Variants in CYFIP2 observed in about 807,000 individuals in gnomAD.
The protein encoded by CYFIP2 is cytoplasmic FMR1-interacting protein 2.
Under a neutral mutation model 158.7 loss-of-function variants are expected in CYFIP2, and 29 were observed. The observed-to-expected ratio is 0.18, with a 90% confidence interval of 0.14 to 0.25. The LOEUF is 0.25. CYFIP2 is among the 10% of genes least tolerant of loss of function. CYFIP2 has a pLI of 1.00. For synonymous variants in CYFIP2, 585 were observed against 617.6 expected, an observed-to-expected ratio of 0.95 and a Z score of 0.78; for missense variants, 852 against 1,639.5, an observed-to-expected ratio of 0.52 and a Z score of 8.29.
chr5:157,375,024 A>G (rs1765330282), intron 26 of CYFIP2, among the ~76,000 whole-genome samples: 1 of 152,204 alleles, frequency 6.6e-6, no homozygotes, highest in South Asian at 2.1e-4. Context: ...TACTACCCAG[A>G]AGATTCTAAG....
chr5:157,387,181 T>G (rs954325824), intron 28 of CYFIP2, among the ~76,000 whole-genome samples: 2 of 152,338 alleles, frequency 1.3e-5, no homozygotes, highest in Middle Eastern at 6.8e-3. Flanking sequence ...ATCATACATA[T>G]TTTAAGAATG....
At chr5:157,312,903 G>T (rs1429138190) in intron 11 of CYFIP2, among the ~76,000 whole-genome samples, 1 of 151,986 alleles carries the variant, frequency 6.6e-6, no homozygotes, top group African/African-American at 2.4e-5. Context: ...TTTAAAAATA[G>T]ATCTCATTAT....
intron 5 of CYFIP2, among the ~76,000 whole-genome samples, 180 bp from the exon 6 acceptor site, chr5:157,300,533 CAA>C (rs72316432): frequency 0.015 from 1,790 of 121,170 alleles, 41 homozygotes; most frequent in African/African-American, 0.048. Flanking sequence ...GACTCCGTCT[CAA>C]AAAAAAAAAA....
intron 21 of CYFIP2, 55 bp from the exon 22 acceptor site, chr5:157,339,002 A>C (rs572131919): frequency 6.6e-7 from 1 of 1,510,746 alleles, no homozygotes; most frequent in African/African-American, 1.4e-5. Flanking sequence ...TAAAACACAC[A>C]CATGTAATGC....
chr5:157,353,634 C>T (rs544812556), intron 23 of CYFIP2, among the ~76,000 whole-genome samples: 87 of 152,308 alleles, frequency 5.7e-4, no homozygotes, highest in African/African-American at 1.9e-3. Flanking sequence ...TGTGATCTTC[C>T]CGACAAGGAC....
Position 157,287,075 on chromosome 5 carries a change from G to T in CYFIP2, c.174G>T (p.Arg58Ser). 6.2e-7 allele frequency: 1 copy of T among 1,613,470 alleles called. No individual in the cohort carries two copies. Among genetic ancestry groups the T allele is most frequent in the Admixed American group, 1.7e-5 (1 of 60,012 alleles). ...ATGCATTTGTCACGGGCATTGCAAG[G>T]TACATTGAGCAGGCTACAGTCCACT... is the stretch of plus-strand genomic sequence containing the variant. ...DRNAFVTGIARYIEQATVHSS... is the reference protein window; with the variant it reads ...DRNAFVTGIASYIEQATVHSS... Residue 58 changes from arginine to serine, a missense_variant, in exon 3 of 31, where the codon AGG becomes AGT. Physicochemically the swap from Arg to Ser is moderately radical, Grantham distance 110. This residue lies in a region of CYFIP2 where 123 missense variants were observed against 316.7 expected (regional missense o/e 0.39). Coordinates refer to ENST00000620254, the MANE Select transcript of CYFIP2 (RefSeq NM_001037333.3).
At chr5:157,277,294 G>A (rs920305207) in intron 1 of CYFIP2, 21 of 152,476 alleles carry the variant, frequency 1.4e-4, no homozygotes, top group African/African-American at 5.1e-4. Context: ...GCCTCCCAAA[G>A]TGTTGGGGTT....
intron 26 of CYFIP2, chr5:157,376,738 A>G (rs1200592667): frequency 3.0e-6 from 1 of 329,956 alleles, no homozygotes; most frequent in Non-Finnish European, 6.2e-6. Flanking sequence ...CACCCTGAGA[A>G]GCACCCACTT....
At position 157,395,392 on chromosome 5, in the gene CYFIP2, GT is replaced by G; in HGVS notation, c.*2394del. 1 of 354,736 alleles carries G rather than the reference GT, an allele frequency of 2.8e-6. No individual in the cohort carries two copies. The highest frequency in any genetic ancestry group is 5.4e-6 in the Non-Finnish European group (1 of 184,380). The allele number at this position is 354,736 out of a possible 1,614,324, so 22.0% of individuals were successfully genotyped here. Reference sequence around the variant, plus strand: ...CAAATGTACCATATTTGTATTAAGAGTTGTTGGGAATTTTTGTACAATGAAT... The same window carrying G: ...CAAATGTACCATATTTGTATTAAGAGTGTTGGGAATTTTTGTACAATGAAT... On this transcript the variant is annotated 3_prime_UTR_variant, in exon 31 of 31. Coordinates refer to ENST00000620254, the MANE Select transcript of CYFIP2 (RefSeq NM_001037333.3).
chr5:157,291,161 A>C (rs1446446815), intron 3 of CYFIP2, among the ~76,000 whole-genome samples: 1 of 152,238 alleles, frequency 6.6e-6, no homozygotes, highest in African/African-American at 2.4e-5. Flanking sequence ...CCCAGGGATA[A>C]ATATTTAGTT....
intron 26 of CYFIP2, among the ~76,000 whole-genome samples, chr5:157,365,675 T>C (rs1764298043): frequency 6.6e-6 from 1 of 151,720 alleles, no homozygotes; most frequent in Non-Finnish European, 1.5e-5. Flanking sequence ...TCATGCCCTC[T>C]TCAGTGTTCC....
chr5:157,313,229 A>G (rs1259963835), intron 11 of CYFIP2, among the ~76,000 whole-genome samples: 5 of 152,208 alleles, frequency 3.3e-5, no homozygotes, highest in Admixed American at 6.5e-5. Context: ...ATTTTCATCA[A>G]CTGATCCATA....
intron 26 of CYFIP2, 127 bp from the exon 27 acceptor site, chr5:157,382,463 A>C: frequency 1.1e-6 from 1 of 893,968 alleles, no homozygotes. Flanking sequence ...CCAAGGTCAC[A>C]GTGAGTAGAA....
At chr5:157,287,618 C>T (rs1208528863) in intron 3 of CYFIP2, among the ~76,000 whole-genome samples, 2 of 152,186 alleles carry the variant, frequency 1.3e-5, no homozygotes, top group Admixed American at 6.5e-5. Context: ...CTCTGTTGGG[C>T]TTCCATTGAT....
intron 9 of CYFIP2, among the ~76,000 whole-genome samples, chr5:157,308,983 G>A (rs1230398181): frequency 6.6e-6 from 1 of 152,188 alleles, no homozygotes; most frequent in Non-Finnish European, 1.5e-5. Flanking sequence ...TATCGGCTCT[G>A]TAGCGTTCCC....
chr5:157,374,186 C>T (rs1261176339), intron 26 of CYFIP2, among the ~76,000 whole-genome samples: 1 of 152,128 alleles, frequency 6.6e-6, no homozygotes, highest in Non-Finnish European at 1.5e-5. Context: ...TGTCAGAATC[C>T]TCTCCAAAAG....
chr5:157,383,565 G>C, intron 28 of CYFIP2: 1 of 513,034 alleles, frequency 1.9e-6, no homozygotes, highest in Non-Finnish European at 3.5e-6. Context: ...TTCTTCTGTA[G>C]CCTGTATCAT....
At chr5:157,341,470 T>A in intron 23 of CYFIP2, 1 of 350,632 alleles carries the variant, frequency 2.9e-6, no homozygotes, top group South Asian at 2.7e-5. Context: ...GGGGATCCTT[T>A]GAGCCCAGGA....
intron 21 of CYFIP2, among the ~76,000 whole-genome samples, chr5:157,335,916 T>A (rs1195756646): frequency 6.6e-6 from 1 of 152,196 alleles, no homozygotes; most frequent in Non-Finnish European, 1.5e-5. Flanking sequence ...TCTTCCCACC[T>A]GTCCAAAAGC....
Sources: allele counts gnomAD v4.1 joint callset (sites outside exome capture counted in the v4.1 genomes callset), GRCh38; gene constraint gnomAD v4.1.1; regional missense constraint gnomAD v4.1.1; transcripts MANE v1.5; gene names NCBI Gene and HGNC (gene_info 2026-07-23, HGNC 2026-07-21).